PDE4D: variants seen among roughly 807,000 people sequenced by gnomAD.
PDE4D encodes the protein phosphodiesterase 4D, also known as 3',5'-cyclic-AMP phosphodiesterase 4D.
In PDE4D, 24 loss-of-function variants were observed where a neutral mutation model predicts 87.4. The observed-to-expected ratio is 0.27, with a 90% CI of 0.20 to 0.39. The LOEUF (loss-of-function observed/expected upper bound fraction) is 0.39, where lower values mean the gene tolerates loss of function less well. Ranked by LOEUF, PDE4D falls within the 10% of genes least tolerant of loss-of-function variation. The pLI is 1.00. For synonymous variants in PDE4D, 384 were observed against 383.2 expected (o/e 1.00, Z -0.02); for missense variants, 714 against 1,041.0 (o/e 0.69, Z 4.32).
At chr5:59,759,875 T>C (rs1172735250) in intron 1 of PDE4D, among the ~76,000 whole-genome samples, 2 of 152,212 alleles carry the variant, frequency 1.3e-5, no homozygotes, top group East Asian at 3.8e-4. Flanking sequence ...AGCAATGCTC[T>C]TCTCCGGGTA....
intron 1 of PDE4D, among the ~76,000 whole-genome samples, chr5:59,564,093 C>A (rs935674546): frequency 2.6e-5 from 4 of 152,136 alleles, no homozygotes; most frequent in Admixed American, 1.3e-4. Flanking sequence ...GTCATGTGAG[C>A]TTGGGGAAGT....
At chr5:59,502,534 A>C (rs1343226671) in intron 1 of PDE4D, among the ~76,000 whole-genome samples, 1 of 152,120 alleles carries the variant, frequency 6.6e-6, no homozygotes, top group Non-Finnish European at 1.5e-5. Flanking sequence ...ATGAAACATA[A>C]ATTTAAAAAA....
chr5:59,979,128 A>G (rs972304705), intron 3 of PDE4D, among the ~76,000 whole-genome samples: 6 of 152,104 alleles, frequency 3.9e-5, no homozygotes, highest in Admixed American at 1.3e-4. Context: ...TCTGGTATAT[A>G]CCTTCAAGAA....
intron 1 of PDE4D, among the ~76,000 whole-genome samples, chr5:59,857,463 T>C (rs767087476): frequency 6.6e-6 from 1 of 152,116 alleles, no homozygotes. Flanking sequence ...TGAAAAAGAA[T>C]ACTTGAATTT....
At chr5:60,472,366 C>T (rs1280367335) in intron 1 of PDE4D, among the ~76,000 whole-genome samples, 1 of 152,134 alleles carries the variant, frequency 6.6e-6, no homozygotes, top group African/African-American at 2.4e-5. Flanking sequence ...AGTCTAGCAC[C>T]GGAGTTCCTA....
At chr5:59,358,993 A>G (rs1246531117) in intron 1 of PDE4D, among the ~76,000 whole-genome samples, 1 of 152,222 alleles carries the variant, frequency 6.6e-6, no homozygotes, top group African/African-American at 2.4e-5. Flanking sequence ...TATTCAGGCT[A>G]AAGCCAGCAG....
chr5:60,454,660 G>T (rs1010818753), intron 1 of PDE4D, among the ~76,000 whole-genome samples: 2 of 152,096 alleles, frequency 1.3e-5, no homozygotes, highest in African/African-American at 4.8e-5. Flanking sequence ...AGGCAGTGAG[G>T]GGAAGGAGAG....
chr5:59,699,640 A>T (rs1302489649), intron 1 of PDE4D, among the ~76,000 whole-genome samples: 3 of 152,132 alleles, frequency 2.0e-5, no homozygotes. Flanking sequence ...TGACCTAAAC[A>T]AAAAAGAGGA....
At chr5:59,002,008 T>C in intron 6 of PDE4D, 1 of 511,310 alleles carries the variant, frequency 2.0e-6, no homozygotes, top group South Asian at 1.4e-5. Flanking sequence ...TCATTCAACT[T>C]TGTTAGCAAG....
chr5:59,180,832 A>G (rs1426577030), intron 4 of PDE4D, among the ~76,000 whole-genome samples, 188 bp from the exon 5 acceptor site: 1 of 152,204 alleles, frequency 6.6e-6, no homozygotes, highest in African/African-American at 2.4e-5. Flanking sequence ...CAGATCACAC[A>G]TGTCCAAAAA....
intron 1 of PDE4D, among the ~76,000 whole-genome samples, chr5:59,270,743 A>G (rs1468850740): frequency 6.6e-6 from 1 of 152,208 alleles, no homozygotes; most frequent in African/African-American, 2.4e-5. Flanking sequence ...AATATTCACA[A>G]CATGAACACT....
chr5:59,399,365 T>C (rs1305730647), intron 1 of PDE4D, among the ~76,000 whole-genome samples: 1 of 137,420 alleles, frequency 7.3e-6, no homozygotes, highest in Non-Finnish European at 1.7e-5. Context: ...AACAGCATGG[T>C]ACTGGTACCA....
chr5:60,006,469 ACAGTGTTTG>A (rs950762213), intron 2 of PDE4D, among the ~76,000 whole-genome samples: 3 of 151,896 alleles, frequency 2.0e-5, no homozygotes, highest in Admixed American at 6.6e-5. Context: ...CCAAAGTAAA[ACAGTGTTTG>A]CATCACCATT....
At chr5:59,545,908 T>C (rs1250791111) in intron 1 of PDE4D, among the ~76,000 whole-genome samples, 1 of 152,202 alleles carries the variant, frequency 6.6e-6, no homozygotes, top group African/African-American at 2.4e-5. Flanking sequence ...ATTTTACTTG[T>C]AAAGTTTTGT....
intron 1 of PDE4D, among the ~76,000 whole-genome samples, chr5:59,633,782 A>C (rs1444751649): frequency 3.3e-5 from 5 of 152,218 alleles, no homozygotes; most frequent in Non-Finnish European, 7.3e-5. Flanking sequence ...CACTGCAAAA[A>C]CATATTAAAT....
At chr5:60,109,970 C>T (rs1467780985) in intron 2 of PDE4D, among the ~76,000 whole-genome samples, 8 of 151,788 alleles carry the variant, frequency 5.3e-5, no homozygotes, top group Admixed American at 4.6e-4. Flanking sequence ...ATGTAACTAA[C>T]CTGCACATTG....
At position 59,185,173 on chromosome 5, in the gene PDE4D, A is replaced by T. The variant is rs745528970; in HGVS notation, c.758+16T>A. On this transcript the variant is annotated intron_variant, in intron 4 of 14. Coordinates refer to ENST00000340635, the MANE Select transcript of PDE4D (RefSeq NM_001104631.2). ...AAAGTTCAGCAAAAAAGAGGGGGGA[A>T]AAAAGGATATCTTACTTGCTAGGTG... The T allele has an allele frequency of 2.5e-6, 4 of 1,601,476 alleles. No individual in the cohort carries two copies. Among genetic ancestry groups the T allele is most frequent in the Non-Finnish European group, 3.4e-6 (4 of 1,171,004 alleles).
intron 1 of PDE4D, among the ~76,000 whole-genome samples, chr5:59,770,755 T>A (rs1763352500): frequency 6.6e-6 from 1 of 152,216 alleles, no homozygotes; most frequent in African/African-American, 2.4e-5. Flanking sequence ...AATCTCTAGT[T>A]TCTGAAGACT....
At chr5:58,991,538 C>T (rs1465012279) in intron 8 of PDE4D, among the ~76,000 whole-genome samples, 1 of 152,054 alleles carries the variant, frequency 6.6e-6, no homozygotes, top group Non-Finnish European at 1.5e-5. Context: ...AATCTATTCA[C>T]AAAACCTTAA....
Sources: allele counts gnomAD v4.1 joint callset (sites outside exome capture counted in the v4.1 genomes callset), GRCh38; gene constraint gnomAD v4.1.1; transcripts MANE v1.5; gene names NCBI Gene and HGNC (gene_info 2026-07-23, HGNC 2026-07-21).